The following CACNA2D3 variants were observed in gnomAD, a reference collection of about 807,000 sequenced individuals.
The protein encoded by CACNA2D3 is calcium voltage-gated channel auxiliary subunit alpha2delta 3, also known as voltage-dependent calcium channel subunit alpha-2/delta-3.
Under a neutral mutation model 160.6 loss-of-function variants are expected in CACNA2D3, and 60 were observed. The observed-to-expected ratio is 0.37, with a 90% confidence interval of 0.30 to 0.46. The LOEUF (loss-of-function observed/expected upper bound fraction) is 0.46, where lower values mean the gene tolerates loss of function less well. Ranked by LOEUF, CACNA2D3 falls within the 20% of genes least tolerant of loss-of-function variation. CACNA2D3 has a pLI of 1.00. For synonymous variants in CACNA2D3, 558 were observed against 492.9 expected (o/e 1.13, Z -1.75); for missense variants, 1,205 against 1,365.0 (o/e 0.88, Z 1.85).
At chr3:54,887,215 C>T (rs1165960929) in intron 23 of CACNA2D3, among the ~76,000 whole-genome samples, 1 of 152,034 alleles carries the variant, frequency 6.6e-6, no homozygotes, top group East Asian at 1.9e-4. Flanking sequence ...CATTTGAGGT[C>T]AGGAGTTTGA....
At chr3:54,733,496 A>G (rs1237290016) in intron 11 of CACNA2D3, among the ~76,000 whole-genome samples, 2 of 152,200 alleles carry the variant, frequency 1.3e-5, no homozygotes, top group African/African-American at 4.8e-5. Context: ...TGAAAATTCT[A>G]TTTCTTTGCA....
intron 3 of CACNA2D3, among the ~76,000 whole-genome samples, chr3:54,353,105 C>G (rs1698592504): frequency 1.3e-5 from 2 of 152,200 alleles, no homozygotes; most frequent in Non-Finnish European, 2.9e-5. Context: ...TACCCATTCT[C>G]TCTGTTTTCT....
chr3:54,797,919 G>C (rs1051996735), intron 13 of CACNA2D3, among the ~76,000 whole-genome samples: 1 of 152,186 alleles, frequency 6.6e-6, no homozygotes, highest in South Asian at 2.1e-4. Context: ...AAATAAGGAA[G>C]CAAATATAGA....
chr3:54,314,684 T>G (rs1703823712), intron 2 of CACNA2D3, among the ~76,000 whole-genome samples: 1 of 152,262 alleles, frequency 6.6e-6, no homozygotes. Flanking sequence ...TTTCATATGT[T>G]TCTTGGCTAT....
intron 4 of CACNA2D3, among the ~76,000 whole-genome samples, chr3:54,460,380 C>T (rs1480204816): frequency 6.6e-6 from 1 of 152,126 alleles, no homozygotes; most frequent in East Asian, 1.9e-4. Context: ...TGGCCATTTT[C>T]ACGATATTGA....
chr3:54,788,370 G>A (rs919498100), intron 13 of CACNA2D3, among the ~76,000 whole-genome samples: 2 of 152,114 alleles, frequency 1.3e-5, no homozygotes, highest in African/African-American at 2.4e-5. Flanking sequence ...CCACCAGTCC[G>A]TGACTAAGTG....
intron 11 of CACNA2D3, among the ~76,000 whole-genome samples, chr3:54,690,578 G>A (rs980805009): frequency 2.0e-5 from 3 of 151,882 alleles, no homozygotes; most frequent in African/African-American, 7.3e-5. Flanking sequence ...TATGTTATCT[G>A]GCTAGTGGTA....
chr3:54,447,987 G>C (rs974718468), intron 4 of CACNA2D3, among the ~76,000 whole-genome samples: 1 of 152,146 alleles, frequency 6.6e-6, no homozygotes. Flanking sequence ...TCCACACAAA[G>C]TAGCACAACC....
At chr3:54,408,584 G>A (rs950565317) in intron 4 of CACNA2D3, among the ~76,000 whole-genome samples, 3 of 151,810 alleles carry the variant, frequency 2.0e-5, no homozygotes, top group African/African-American at 7.3e-5. Flanking sequence ...TTTTTCTATT[G>A]TTCTGTCTCC....
intron 35 of CACNA2D3, among the ~76,000 whole-genome samples, chr3:55,053,272 T>C (rs1482736779): frequency 6.6e-6 from 1 of 152,078 alleles, no homozygotes. Flanking sequence ...TCTTTGTTGG[T>C]CCAGCTCCTT....
At chr3:54,260,459 G>C (rs1048308834) in intron 2 of CACNA2D3, among the ~76,000 whole-genome samples, 4 of 152,202 alleles carry the variant, frequency 2.6e-5, no homozygotes, top group Non-Finnish European at 4.4e-5. Context: ...GACAGAGGGA[G>C]CGTGTCAGTT....
At chr3:54,518,321 A>C (rs1701587997) in intron 5 of CACNA2D3, among the ~76,000 whole-genome samples, 1 of 152,270 alleles carries the variant, frequency 6.6e-6, no homozygotes, top group East Asian at 1.9e-4. Flanking sequence ...ACCTGTGAGA[A>C]AGAATGGCAA....
At chr3:54,328,836 TGAG>T (rs1470527249) in intron 3 of CACNA2D3, among the ~76,000 whole-genome samples, 1 of 152,134 alleles carries the variant, frequency 6.6e-6, no homozygotes, top group African/African-American at 2.4e-5. Context: ...GGAACAGTCC[TGAG>T]GAGGAGGGAC....
chr3:54,683,972 T>C (rs893513489), intron 11 of CACNA2D3, among the ~76,000 whole-genome samples: 3 of 46,764 alleles, frequency 6.4e-5, no homozygotes, highest in Non-Finnish European at 2.1e-4. Flanking sequence ...CTTTTTTTTT[T>C]TTTTTTTTTT....
chr3:55,036,233 G>A (rs1414779214), intron 35 of CACNA2D3, among the ~76,000 whole-genome samples: 1 of 151,994 alleles, frequency 6.6e-6, no homozygotes, highest in African/African-American at 2.4e-5. Flanking sequence ...GATCACTTGA[G>A]GTGAGGAGTT....
intron 35 of CACNA2D3, among the ~76,000 whole-genome samples, chr3:55,058,475 G>A (rs1440311644): frequency 6.6e-6 from 1 of 152,040 alleles, no homozygotes. Context: ...GAAGAGGACA[G>A]CAAGGCCACT....
At chr3:55,004,273 T>C (rs1288533403) in intron 31 of CACNA2D3, among the ~76,000 whole-genome samples, 1 of 152,200 alleles carries the variant, frequency 6.6e-6, no homozygotes, top group African/African-American at 2.4e-5. Flanking sequence ...TCCTACACTT[T>C]GTCAATGTAC....
At chr3:54,484,501 C>T (rs1316182932) in intron 4 of CACNA2D3, among the ~76,000 whole-genome samples, 3 of 152,116 alleles carry the variant, frequency 2.0e-5, no homozygotes, top group Non-Finnish European at 4.4e-5. Context: ...GACATCATGA[C>T]CTTTTGTGAT....
At chr3:54,390,410 T>C (rs1244978176) in intron 4 of CACNA2D3, among the ~76,000 whole-genome samples, 6 of 152,198 alleles carry the variant, frequency 3.9e-5, no homozygotes, top group African/African-American at 1.4e-4. Context: ...AAGTCTCTAG[T>C]TTTTGTTCTC....
Sources: gnomAD v4.1 joint callset for allele counts (sites outside exome capture counted in the v4.1 genomes callset) on GRCh38, gnomAD v4.1.1 for gene constraint, MANE v1.5 for transcripts, NCBI Gene and HGNC (gene_info 2026-07-23, HGNC 2026-07-21) for gene names.